The following RSRC1 variants were observed in gnomAD, a reference collection of about 807,000 sequenced individuals.
RSRC1 encodes serine/Arginine-related protein 53.
RSRC1 carries 39 observed loss-of-function variants against 49.1 expected under a neutral mutation model. That is an observed-to-expected ratio of 0.79 (90% CI 0.61 to 1.04). The LOEUF is 1.04. Ranked by LOEUF, RSRC1 falls within the 50% of genes least tolerant of loss-of-function variation. The probability of loss-of-function intolerance (pLI) is 0.00; values close to 1 mark genes in which losing one functional copy is unlikely to be tolerated. For synonymous variants in RSRC1, 143 were observed against 130.8 expected, an observed-to-expected ratio of 1.09 and a Z score of -0.63; for missense variants, 388 against 402.4, an observed-to-expected ratio of 0.96 and a Z score of 0.31.
At chr3:158,330,970 G>A (rs553608036) in intron 5 of RSRC1, among the ~76,000 whole-genome samples, 1 of 151,982 alleles carries the variant, frequency 6.6e-6, no homozygotes, top group African/African-American at 2.4e-5. Context: ...GACAAAGTAG[G>A]AGCAAAGTCA....
intron 7 of RSRC1, among the ~76,000 whole-genome samples, chr3:158,508,615 A>G (rs1739993763): frequency 6.6e-6 from 1 of 152,112 alleles, no homozygotes; most frequent in African/African-American, 2.4e-5. Context: ...GAAAAATTCC[A>G]GAAATAAACA....
intron 3 of RSRC1, among the ~76,000 whole-genome samples, chr3:158,142,700 A>C (rs372479849): frequency 6.6e-6 from 1 of 152,136 alleles, no homozygotes; most frequent in East Asian, 1.9e-4. Flanking sequence ...AGAACTCACT[A>C]TCTTGAGGAC....
chr3:158,503,625 A>C (rs1289147014), intron 7 of RSRC1, among the ~76,000 whole-genome samples: 1 of 152,096 alleles, frequency 6.6e-6, no homozygotes, highest in Non-Finnish European at 1.5e-5. Flanking sequence ...TAGGAGGATT[A>C]TAGCTGCCTC....
At chr3:158,225,628 TTAA>T (rs1242911627) in intron 4 of RSRC1, 3 of 439,840 alleles carry the variant, frequency 6.8e-6, no homozygotes, top group South Asian at 3.3e-5. Flanking sequence ...CATAGGTATA[TTAA>T]TGAGTTATTT....
At chr3:158,263,666 G>A (rs1158289599) in intron 4 of RSRC1, among the ~76,000 whole-genome samples, 4 of 152,220 alleles carry the variant, frequency 2.6e-5, no homozygotes, top group Non-Finnish European at 1.5e-5. Flanking sequence ...TTTCTTTGTG[G>A]AAAGGTTTTT....
intron 7 of RSRC1, among the ~76,000 whole-genome samples, chr3:158,487,614 G>A (rs1469953300): frequency 2.0e-5 from 3 of 152,060 alleles, no homozygotes; most frequent in East Asian, 1.9e-4. Context: ...GTTGTGATCC[G>A]AAAACCTTCA....
chr3:158,279,256 G>A (rs562730100), intron 4 of RSRC1, among the ~76,000 whole-genome samples: 3 of 152,274 alleles, frequency 2.0e-5, no homozygotes, highest in South Asian at 2.1e-4. Flanking sequence ...CTGTTGCAAC[G>A]CCTCAGCTAT....
intron 4 of RSRC1, among the ~76,000 whole-genome samples, chr3:158,241,906 C>T (rs146854353): frequency 4.0e-5 from 6 of 151,864 alleles, no homozygotes; most frequent in Non-Finnish European, 8.8e-5. Flanking sequence ...ATAAAATACA[C>T]CCATTTAAAA....
chr3:158,203,654 C>T lies in RSRC1; in HGVS notation c.494+409C>T, dbSNP rs138365163. On this transcript the variant is annotated intron_variant, in intron 4 of 9. Coordinates refer to ENST00000611884, the MANE Select transcript of RSRC1 (RefSeq NM_001271838.2). The stretch of plus-strand genomic sequence containing the variant: ...TATTACCATATTGTAAAGCTGTTAG[C>T]GGAAAAGTATAAAGTTGAAACAGAA... Among the ~76,000 whole-genome samples, 326 of 152,044 alleles carry T rather than the reference C, an allele frequency of 2.1e-3. 4 individuals carry two copies. Among genetic ancestry groups the T allele is most frequent in the African/African-American group, 7.3e-3 (301 of 41,458 alleles).
chr3:158,443,761 T>C (rs1410706516), intron 6 of RSRC1, among the ~76,000 whole-genome samples: 2 of 152,212 alleles, frequency 1.3e-5, no homozygotes, highest in Non-Finnish European at 2.9e-5. Flanking sequence ...ATCTCAGCTT[T>C]TGACATGCGT....
intron 7 of RSRC1, among the ~76,000 whole-genome samples, chr3:158,490,210 G>A (rs1014718348): frequency 6.6e-6 from 1 of 151,894 alleles, no homozygotes; most frequent in African/African-American, 2.4e-5. Flanking sequence ...TCAGCCTCCC[G>A]AGTAGTTGGT....
chr3:158,134,107 TATC>T (rs10574946), intron 3 of RSRC1, among the ~76,000 whole-genome samples: 102,001 of 151,578 alleles, frequency 0.67, 34,541 homozygotes, highest in East Asian at 0.83. Flanking sequence ...AGAATAATAA[TATC>T]AGCCTGAAAA....
At chr3:158,180,836 G>A (rs1346361114) in intron 3 of RSRC1, among the ~76,000 whole-genome samples, 1 of 129,946 alleles carries the variant, frequency 7.7e-6, no homozygotes, top group Non-Finnish European at 1.6e-5. Flanking sequence ...ATGGAGTCTC[G>A]CGCTGTCACC....
chr3:158,202,691 G>A (rs1721127543), intron 3 of RSRC1, among the ~76,000 whole-genome samples: 1 of 150,652 alleles, frequency 6.6e-6, no homozygotes, highest in Admixed American at 6.6e-5. Flanking sequence ...ATTTATATTG[G>A]AACAATTAGA....
chr3:158,293,939 G>A (rs1417157230), intron 4 of RSRC1, among the ~76,000 whole-genome samples: 1 of 151,784 alleles, frequency 6.6e-6, no homozygotes, highest in Non-Finnish European at 1.5e-5. Context: ...TTTTCATTCC[G>A]GAAGCTTTTT....
intron 3 of RSRC1, among the ~76,000 whole-genome samples, chr3:158,127,733 CTTCT>C (rs1392271143): frequency 1.6e-5 from 2 of 126,922 alleles, no homozygotes; most frequent in African/African-American, 5.9e-5. Flanking sequence ...GCTAGGTTTC[CTTCT>C]TTCTTTGACT....
chr3:158,406,343 T>C (rs1172722257), intron 6 of RSRC1, among the ~76,000 whole-genome samples: 1 of 152,098 alleles, frequency 6.6e-6, no homozygotes, highest in African/African-American at 2.4e-5. Context: ...GTTAGCCACA[T>C]TTAGTAGAAA....
intron 7 of RSRC1, among the ~76,000 whole-genome samples, chr3:158,513,540 G>C (rs924852171): frequency 4.7e-4 from 72 of 152,208 alleles, no homozygotes; most frequent in African/African-American, 1.7e-3. Flanking sequence ...GAGGATTTTT[G>C]CATCAATGTT....
intron 5 of RSRC1, among the ~76,000 whole-genome samples, chr3:158,347,279 A>C (rs1171844922): frequency 6.6e-6 from 1 of 152,164 alleles, no homozygotes. Context: ...AGTTTATAAA[A>C]TTTTTTGAAC....
Sources: gnomAD v4.1 joint callset for allele counts (sites outside exome capture counted in the v4.1 genomes callset) on GRCh38, gnomAD v4.1.1 for gene constraint, MANE v1.5 for transcripts, NCBI Gene and HGNC (gene_info 2026-07-23, HGNC 2026-07-21) for gene names.